MMP16: variants seen among roughly 807,000 people sequenced by gnomAD.
MMP16 encodes matrix metallopeptidase 16.
Under a neutral mutation model 67.8 loss-of-function variants are expected in MMP16, and 12 were observed. The ratio of observed to expected loss-of-function variants is 0.18; its 90% CI spans 0.11 to 0.29. MMP16 has a LOEUF of 0.29. Among genes scored for constraint, MMP16 ranks in the 10% least tolerant of loss-of-function variants. The pLI, the probability that MMP16 is intolerant of heterozygous loss-of-function variation, is 1.00. For synonymous variants in MMP16, 249 were observed against 255.9 expected (o/e 0.97, Z 0.26); for missense variants, 475 against 765.7 (o/e 0.62, Z 4.48).
chr8:88,286,679 C>G (rs1000476996), intron 1 of MMP16, among the ~76,000 whole-genome samples: 2 of 151,948 alleles, frequency 1.3e-5, no homozygotes, highest in Non-Finnish European at 2.9e-5. Flanking sequence ...GCGTTCATGC[C>G]ATTCTCCTGC....
intron 1 of MMP16, among the ~76,000 whole-genome samples, chr8:88,273,783 G>C (rs17667533): frequency 0.034 from 5,229 of 151,860 alleles, 125 homozygotes; most frequent in South Asian, 0.061. Flanking sequence ...ATAATTTAAC[G>C]GCAAAGAATA....
intron 7 of MMP16, among the ~76,000 whole-genome samples, chr8:88,071,619 G>T (rs1330968768): frequency 6.6e-6 from 1 of 152,156 alleles, no homozygotes; most frequent in Non-Finnish European, 1.5e-5. Flanking sequence ...GTAAATCACA[G>T]TCTAATATGG....
At position 88,041,407 on chromosome 8, in the gene MMP16, A is replaced by C; in HGVS notation, c.*54T>G. 6.5e-7 allele frequency: 1 copy of C among 1,542,852 alleles called. No homozygotes were observed. Among genetic ancestry groups the C allele is most frequent in the Non-Finnish European group, 8.8e-7 (1 of 1,133,642 alleles). On this transcript the variant is annotated 3_prime_UTR_variant, in exon 10 of 10. Transcript: ENST00000286614. The surrounding 1 kb of genome is among the most constrained non-coding windows in gnomAD (Gnocchi z 6.0). ...AACAGCATAACAGCTCTTGTCTTGA[A>C]TCTCAAGTTACCACAAACTCCTGCA...
chr8:88,169,367 C>A (rs1808764608), intron 3 of MMP16, among the ~76,000 whole-genome samples: 1 of 152,124 alleles, frequency 6.6e-6, no homozygotes, highest in African/African-American at 2.4e-5. Flanking sequence ...GAGCACTTCA[C>A]ATTATCTTAT....
chr8:88,041,833 A>T lies in MMP16; in HGVS notation c.1490-38T>A. The T allele has an allele frequency of 6.9e-7, 1 of 1,453,954 alleles. No homozygotes were observed. 90.1% of individuals were successfully genotyped at this position (1,453,954 alleles called of 1,614,324 possible). On this transcript the variant is annotated intron_variant, in intron 9 of 9. Coordinates refer to ENST00000286614, the MANE Select transcript of MMP16 (RefSeq NM_005941.5). The surrounding 1 kb of genome is among the most constrained non-coding windows in gnomAD (Gnocchi z 6.0). ...ACATACACACACACAGGTACCACTT[A>T]TTTGTGACAGTGTATATGTAGAGAA...
chr8:88,306,665 C>A (rs1217296503), intron 1 of MMP16, among the ~76,000 whole-genome samples: 1 of 152,136 alleles, frequency 6.6e-6, no homozygotes, highest in Non-Finnish European at 1.5e-5. Context: ...CTACACACAA[C>A]CAAAGACAAA....
chr8:88,293,281 A>C (rs1810954882), intron 1 of MMP16, among the ~76,000 whole-genome samples: 4 of 152,100 alleles, frequency 2.6e-5, no homozygotes. Flanking sequence ...TTACCTATTT[A>C]GCTGAGAGTG....
intron 3 of MMP16, among the ~76,000 whole-genome samples, chr8:88,170,537 T>C (rs764072438): frequency 2.0e-5 from 3 of 152,292 alleles, no homozygotes; most frequent in East Asian, 1.9e-4. Flanking sequence ...TGACACATCA[T>C]TGAAAGAACT....
At chr8:88,294,405 TACATATATAC>T (rs201410390) in intron 1 of MMP16, among the ~76,000 whole-genome samples, 4,875 of 151,278 alleles carry the variant, frequency 0.032, 235 homozygotes, top group African/African-American at 0.1. Flanking sequence ...CATATGTATA[TACATATATAC>T]ACATATATAC....
intron 1 of MMP16, among the ~76,000 whole-genome samples, chr8:88,200,491 C>T (rs567086444): frequency 6.4e-4 from 97 of 152,100 alleles, no homozygotes; most frequent in African/African-American, 2.3e-3. Flanking sequence ...AAACATCTTG[C>T]TACCTGGTAG....
chr8:88,157,272 A>T (rs755631282), intron 4 of MMP16, among the ~76,000 whole-genome samples: 1 of 152,094 alleles, frequency 6.6e-6, no homozygotes, highest in Non-Finnish European at 1.5e-5. Flanking sequence ...CAGTATAACC[A>T]CTATTTACAT....
intron 6 of MMP16, among the ~76,000 whole-genome samples, chr8:88,075,603 T>A (rs913508134): frequency 8.5e-5 from 13 of 152,156 alleles, no homozygotes; most frequent in Admixed American, 7.9e-4. Flanking sequence ...AGTTTTCCAT[T>A]GAAAATTTGA....
At chr8:88,044,366 G>A (rs1398976651) in intron 9 of MMP16, among the ~76,000 whole-genome samples, 1 of 152,196 alleles carries the variant, frequency 6.6e-6, no homozygotes, top group Non-Finnish European at 1.5e-5. Flanking sequence ...CATTTGAAAG[G>A]AAGTAGCCTA....
intron 1 of MMP16, among the ~76,000 whole-genome samples, chr8:88,199,019 T>C (rs996356173): frequency 1.4e-4 from 22 of 152,032 alleles, no homozygotes; most frequent in Non-Finnish European, 2.1e-4. Flanking sequence ...AATTAGAACG[T>C]TGTATCTTGA....
intron 1 of MMP16, among the ~76,000 whole-genome samples, chr8:88,294,077 T>C (rs1050579647): frequency 1.3e-5 from 2 of 152,046 alleles, no homozygotes; most frequent in Non-Finnish European, 2.9e-5. Flanking sequence ...TTTGCATGTC[T>C]AACTGACTAT....
Position 88,041,629 on chromosome 8 carries a change from G to A in MMP16, c.1656C>T (p.Val552=). 1.2e-6 allele frequency: 2 copies of A among 1,614,120 alleles called. No homozygotes were observed. The highest frequency in any genetic ancestry group is 1.7e-6 in the Non-Finnish European group (2 of 1,180,016). The change falls in exon 10 of 10, where the codon GTC becomes GTT. Residue 552 remains valine, a synonymous_variant. Coordinates refer to ENST00000286614, the MANE Select transcript of MMP16 (RefSeq NM_005941.5). The surrounding 1 kb of genome is among the most constrained non-coding windows in gnomAD (Gnocchi z 6.0). The part of the protein sequence containing the change: ...GHSPPDDVDI[V]IKLDNTASTV... ...TGCTGGCTGTGTTGTCCAGTTTGAT[G>A]ACAATGTCTACATCATCTGGTGGGC...
chr8:88,259,725 C>A (rs1436885476), intron 1 of MMP16, among the ~76,000 whole-genome samples: 1 of 151,980 alleles, frequency 6.6e-6, no homozygotes, highest in Admixed American at 6.6e-5. Flanking sequence ...AAATACTATG[C>A]GGACATAAAA....
intron 1 of MMP16, among the ~76,000 whole-genome samples, chr8:88,244,890 T>A (rs1810089739): frequency 2.0e-5 from 3 of 152,186 alleles, no homozygotes; most frequent in African/African-American, 7.2e-5. Context: ...TACCGAGAGA[T>A]AATGTGCCTC....
At chr8:88,105,406 T>A (rs773055644) in intron 6 of MMP16, among the ~76,000 whole-genome samples, 28 of 151,508 alleles carry the variant, frequency 1.8e-4, no homozygotes, top group Non-Finnish European at 3.7e-4. Context: ...ATTGCTGTAG[T>A]TTAAATTCAA....
Sources: gnomAD v4.1 joint callset for allele counts (sites outside exome capture counted in the v4.1 genomes callset) on GRCh38, gnomAD v4.1.1 for gene constraint, Gnocchi (gnomAD v3.1) non-coding constraint, MANE v1.5 for transcripts, NCBI Gene and HGNC (gene_info 2026-07-23, HGNC 2026-07-21) for gene names.